The following CGN variants were observed in gnomAD, a reference collection of about 807,000 sequenced individuals.
The protein encoded by CGN is cingulin.
A neutral mutation model predicts 157.1 loss-of-function variants in CGN; 121 were observed. The observed-to-expected ratio is 0.77, with a 90% CI of 0.66 to 0.90. CGN has a LOEUF of 0.90. Ranked by LOEUF, CGN falls within the 40% of genes least tolerant of loss-of-function variation. The pLI is 0.00. For missense variants in CGN, 1,424 were observed against 1,520.9 expected (o/e 0.94, Z 1.06); for synonymous variants, 535 against 607.5 (o/e 0.88, Z 1.76).
intron 9 of CGN, among the ~76,000 whole-genome samples, chr1:151,526,613 A>G (rs777245759): frequency 4.6e-5 from 7 of 151,442 alleles, no homozygotes; most frequent in Non-Finnish European, 1.0e-4. Flanking sequence ...AGGTGGGACT[A>G]TAGGCATGCA....
intron 13 of CGN, among the ~76,000 whole-genome samples, 183 bp downstream of exon 13, chr1:151,530,929 C>T (rs773770848): frequency 6.6e-6 from 1 of 152,024 alleles, no homozygotes; most frequent in Non-Finnish European, 1.5e-5. Flanking sequence ...TACCCGAGGT[C>T]AGGAGTTTGA....
chr1:151,510,409 G>A (rs1664256180), upstream of CGN: 1 of 152,186 alleles, frequency 6.6e-6, no homozygotes, highest in Non-Finnish European at 1.5e-5. Flanking sequence ...TATCTCAACG[G>A]TTAACAGCTA....
Position 151,527,033 on chromosome 1 carries a change from G to A in CGN, c.1822G>A (p.Glu608Lys), listed in dbSNP as rs762005313. The A allele has an allele frequency of 3.1e-6, 5 of 1,614,194 alleles. No individual in the cohort carries two copies. Among genetic ancestry groups the A allele is most frequent in the Non-Finnish European group, 4.2e-6 (5 of 1,180,034 alleles). Residue 608 changes from glutamate (E) to lysine (K), a missense_variant, in exon 10 of 21, where the codon GAG (glutamate) becomes AAG (lysine). Coordinates refer to ENST00000271636, the MANE Select transcript of CGN (RefSeq NM_020770.3). The part of the protein sequence containing the change: ...EMEEELGEKI[E>K]VLQRELEQAR... ...GGAAGAGGAGCTTGGAGAGAAGATA[G>A]AGGTCTTGCAGAGGGAATTAGAGCA...
chr1:151,537,480 G>A lies in CGN; in HGVS notation c.*134G>A, dbSNP rs1190526633. On this transcript the variant is annotated 3_prime_UTR_variant, in exon 21 of 21. Transcript: ENST00000271636. ...AGACCTAAGACAGGGAGGGGTCAGA[G>A]TGATGGTGATAAAAAAAAAAAATCA... The A allele has an allele frequency of 3.3e-6, 2 of 607,112 alleles. No homozygotes were observed. The highest frequency in any genetic ancestry group is 2.7e-5 in the South Asian group (1 of 37,238). 37.6% of individuals were successfully genotyped at this position (607,112 alleles called of 1,614,324 possible).
rs774518502 is a variant in CGN at position 151,523,570 on chromosome 1, A to C, written c.1268+9A>C. 4.4e-5 allele frequency: 71 copies of C among 1,598,984 alleles called. No individual in the cohort carries two copies. The South Asian group carries it at 7.3e-4, about 16-fold the overall frequency. On this transcript the variant is annotated intron_variant, in intron 6 of 20. Transcript: ENST00000271636. ...CAGCAGAGCAACAAGGAGTGAGTGC[A>C]GCTGGTGGCGCACCTCGGGCTGCTT... is the stretch of plus-strand genomic sequence containing the variant.
intron 15 of CGN, 133 bp from the exon 16 acceptor site, chr1:151,534,909 C>G: frequency 1.5e-6 from 1 of 668,714 alleles, no homozygotes; most frequent in Non-Finnish European, 2.6e-6. Context: ...TGGGTCCAGG[C>G]AAGTACCAAA....
At position 151,530,363 on chromosome 1, in the gene CGN, G is replaced by A. The variant is rs1043506932; in HGVS notation, c.2314-126G>A. 4 of 1,199,890 alleles carry A rather than the reference G, an allele frequency of 3.3e-6. No homozygotes were observed. The African/African-American group carries it at 4.6e-5, about 14-fold the overall frequency. The allele number at this position is 1,199,890 out of a possible 1,614,324, so 74.3% of individuals were successfully genotyped here. On this transcript the variant is annotated intron_variant, in intron 12 of 20. Transcript: ENST00000271636. ...CTATGTGTCCTGATTTCTTTGCTAGGAGCCTGTTTTCATTGCACATCATTT... is the reference window on the plus strand; with the variant it reads ...CTATGTGTCCTGATTTCTTTGCTAGAAGCCTGTTTTCATTGCACATCATTT...
Position 151,536,793 on chromosome 1 carries a change from C to A in CGN, c.3370C>A (p.Leu1124Met). The A allele has an allele frequency of 6.2e-7, 1 of 1,614,140 alleles. No homozygotes were observed. ...TGAAGCAGAAGAGGAAATTGAGCGA[C>A]TGGACGGCCTGAGGAAGAAGGCCCA... ...VDEAEEEIERLDGLRKKAQRE... is the reference protein window; with the variant it reads ...VDEAEEEIERMDGLRKKAQRE... The change falls in exon 20 of 21, where the codon CTG becomes ATG. Residue 1124 changes from leucine to methionine, a missense_variant. Physicochemically the swap from Leu to Met is conservative, Grantham distance 15. Coordinates refer to ENST00000271636, the MANE Select transcript of CGN (RefSeq NM_020770.3).
chr1:151,538,349 C>T lies in CGN; in HGVS notation c.*1003C>T, dbSNP rs1045298. The T allele has an allele frequency of 0.11, 17,153 of 152,178 alleles. 1,174 individuals carry two copies. The highest frequency in any genetic ancestry group is 0.15 in the East Asian group (794 of 5,176). 9.4% of individuals were successfully genotyped at this position (152,178 alleles called of 1,614,324 possible). ...ACTTCAATAAGAGAACCAAGGGACC[C>T]TCATTTTCTGAGGTGCTTGGCTCTG... On this transcript the variant is annotated 3_prime_UTR_variant, in exon 21 of 21. Transcript: ENST00000271636.
intron 13 of CGN, among the ~76,000 whole-genome samples, chr1:151,531,933 T>TGTCAATGAAAAATGCA (rs1664845605): frequency 2.0e-5 from 3 of 152,346 alleles, no homozygotes; most frequent in East Asian, 1.9e-4. Flanking sequence ...TTTTATCATT[T>TGTCAATGAAAAATGCA]CTGAAATAGA....
At chr1:151,529,757 G>T in intron 11 of CGN, 152 bp from the exon 12 acceptor site, 1 of 815,098 alleles carries the variant, frequency 1.2e-6, no homozygotes. Context: ...TCTCAGAGAA[G>T]CGTCTGGCTG....
In CGN at chr1:151,518,762, A is replaced by C; in HGVS notation, c.243A>C (p.Gln81His). ...GEKGGDSFGVQIKGANDQGAS... is the reference protein window; with the variant it reads ...GEKGGDSFGVHIKGANDQGAS... ...AAGGCGGTGACTCCTTTGGGGTCCA[A>C]ATCAAGGGGGCCAATGACCAAGGGG... is the stretch of plus-strand genomic sequence containing the variant. Residue 81 changes from glutamine to histidine, a missense_variant, in exon 2 of 21, where the codon CAA (glutamine) becomes CAC (histidine). Gln to His is a conservative substitution (Grantham distance 24, BLOSUM62 0). Around this residue, in one of 3 missense-constraint regions of CGN, gnomAD observed 1,187 missense variants for 1,217.6 expected, o/e 0.97. Coordinates refer to ENST00000271636, the MANE Select transcript of CGN (RefSeq NM_020770.3). 1 of 1,614,108 alleles carries C rather than the reference A, an allele frequency of 6.2e-7. No individual in the cohort carries two copies. Among genetic ancestry groups the C allele is most frequent in the Non-Finnish European group, 8.5e-7 (1 of 1,179,990 alleles).
chr1:151,537,058 C>A, intron 20 of CGN, 147 bp from the exon 21 acceptor site: 2 of 1,178,074 alleles, frequency 1.7e-6, no homozygotes, highest in Admixed American at 2.6e-5. Context: ...AGCCACCATC[C>A]TGTACCTCCC....
intron 1 of CGN, among the ~76,000 whole-genome samples, chr1:151,514,892 G>T: frequency 6.6e-6 from 1 of 152,114 alleles, no homozygotes; most frequent in East Asian, 1.9e-4. Context: ...AAAGTAGCAT[G>T]TGTGAAGGAT....
Position 151,530,561 on chromosome 1 carries a change from C to T in CGN, c.2386C>T (p.Arg796Trp), listed in dbSNP as rs758737673. ...GGAGGGGAGTCTGGCAGCAGCCAAG[C>T]GGGCACTGGAGGCACGCCTAGAGGA... ...EEEGSLAAAK[R>W]ALEARLEEAQ... Residue 796 changes from arginine (R) to tryptophan (W), a missense_variant, in exon 13 of 21, where the codon CGG becomes TGG. Arg to Trp is a moderately radical substitution (Grantham distance 101). Coordinates refer to ENST00000271636, the MANE Select transcript of CGN (RefSeq NM_020770.3). 30 of 1,608,526 alleles carry T rather than the reference C, an allele frequency of 1.9e-5. No homozygotes were observed. In the East Asian group the frequency reaches 2.9e-4, roughly 16 times the overall value.
chr1:151,524,651 A>C lies in CGN; in HGVS notation c.1402-23A>C. ...TGGATTCTAATATGGTCACCCCTGT[A>C]CTTCTTCCTTTATTTTCTCCAGGAC... On this transcript the variant is annotated intron_variant, in intron 7 of 20. Coordinates refer to ENST00000271636, the MANE Select transcript of CGN (RefSeq NM_020770.3). This position sits in a 1 kb window ranked among gnomAD's most constrained non-coding sequence, Gnocchi z 4.4. The C allele has an allele frequency of 6.3e-7, 1 of 1,577,944 alleles. No individual in the cohort carries two copies. The highest frequency in any genetic ancestry group is 8.6e-7 in the Non-Finnish European group (1 of 1,158,582).
chr1:151,523,515 G>A lies in CGN; in HGVS notation c.1222G>A (p.Glu408Lys). The A allele has an allele frequency of 6.2e-7, 1 of 1,613,192 alleles. No homozygotes were observed. The highest frequency in any genetic ancestry group is 8.5e-7 in the Non-Finnish European group (1 of 1,179,608). ...EKTEECSRLQ[E>K]LLERRKGEAQ... The stretch of plus-strand genomic sequence containing the variant: ...AACAGAAGAGTGCAGCCGACTGCAG[G>A]AGCTGCTGGAGAGGAGGAAGGGGGA... The change falls in exon 6 of 21, where the codon GAG becomes AAG. Residue 408 changes from glutamate to lysine, a missense_variant. Physicochemically the swap from Glu to Lys is moderately conservative, Grantham distance 56. Around this residue, in one of 3 missense-constraint regions of CGN, gnomAD observed 1,187 missense variants for 1,217.6 expected, o/e 0.97. Coordinates refer to ENST00000271636, the MANE Select transcript of CGN (RefSeq NM_020770.3).
chr1:151,527,591 T>C (rs1053843122), intron 10 of CGN, among the ~76,000 whole-genome samples: 3 of 152,134 alleles, frequency 2.0e-5, no homozygotes, highest in Admixed American at 6.6e-5. Context: ...GTTACTAATG[T>C]AACAAAACTA....
In CGN at chr1:151,523,536, G is replaced by C. The variant is rs748543184; in HGVS notation, c.1243G>C (p.Gly415Arg). 250 of 1,611,792 alleles carry C rather than the reference G, an allele frequency of 1.6e-4. 2 individuals carry two copies. The Admixed American group carries it at 4.1e-3, about 26-fold the overall frequency. The change falls in exon 6 of 21, where the codon GGG (glycine) becomes CGG (arginine). Residue 415 changes from glycine (G) to arginine (R), a missense_variant. Transcript: ENST00000271636. ...RLQELLERRKGEAQQSNKELQ... is the reference protein window; with the variant it reads ...RLQELLERRKREAQQSNKELQ... ...GCAGGAGCTGCTGGAGAGGAGGAAG[G>C]GGGAGGCCCAGCAGAGCAACAAGGA...
Sources: allele counts gnomAD v4.1 joint callset (sites outside exome capture counted in the v4.1 genomes callset), GRCh38; gene constraint gnomAD v4.1.1; regional missense constraint gnomAD v4.1.1; non-coding constraint Gnocchi (gnomAD v3.1); transcripts MANE v1.5; gene names NCBI Gene and HGNC (gene_info 2026-07-23, HGNC 2026-07-21).